Variants in NELL1 observed in about 807,000 individuals in gnomAD.
NELL1 encodes the protein protein kinase C-binding protein NELL1.
In NELL1, 76 loss-of-function variants were observed where a neutral mutation model predicts 107.4. The ratio of observed to expected loss-of-function variants is 0.71; its 90% CI spans 0.59 to 0.86. The LOEUF (loss-of-function observed/expected upper bound fraction) is 0.86, where lower values mean the gene tolerates loss of function less well. Ranked by LOEUF, NELL1 falls within the 40% of genes least tolerant of loss-of-function variation. The pLI is 0.00. For synonymous variants in NELL1, 353 were observed against 341.2 expected (o/e 1.03, Z -0.38); for missense variants, 1,024 against 1,005.5 (o/e 1.02, Z -0.25).
chr11:21,199,470 A>G (rs1857220498), intron 13 of NELL1, among the ~76,000 whole-genome samples: 1 of 152,174 alleles, frequency 6.6e-6, no homozygotes, highest in Non-Finnish European at 1.5e-5. Context: ...GACTCTTGCA[A>G]TCTCAGTAAG....
At chr11:21,494,048 A>G (rs538670798) in intron 15 of NELL1, among the ~76,000 whole-genome samples, 25 of 151,930 alleles carry the variant, frequency 1.6e-4, no homozygotes, top group Non-Finnish European at 3.4e-4. Context: ...TAGCTAAGCA[A>G]TATATTTTCA....
intron 2 of NELL1, among the ~76,000 whole-genome samples, chr11:20,710,143 T>C (rs1388699628): frequency 2.0e-5 from 3 of 152,184 alleles, no homozygotes; most frequent in African/African-American, 7.2e-5. Flanking sequence ...TCAGGGGAAA[T>C]GCTTTCAACT....
chr11:20,776,275 C>A (rs959524608), intron 2 of NELL1, among the ~76,000 whole-genome samples: 1 of 151,928 alleles, frequency 6.6e-6, no homozygotes, highest in African/African-American at 2.4e-5. Flanking sequence ...CCATCTTCTA[C>A]CAAAAATACA....
intron 12 of NELL1, among the ~76,000 whole-genome samples, chr11:21,095,713 T>C (rs1449122897): frequency 6.6e-6 from 1 of 152,048 alleles, no homozygotes; most frequent in East Asian, 1.9e-4. Flanking sequence ...TGGGTTCAAG[T>C]GATTCTCCTG....
At chr11:21,162,287 T>C (rs1856390218) in intron 13 of NELL1, among the ~76,000 whole-genome samples, 1 of 152,094 alleles carries the variant, frequency 6.6e-6, no homozygotes, top group Non-Finnish European at 1.5e-5. Flanking sequence ...AACTCAGCAT[T>C]TTTCTTTGTT....
At chr11:21,254,108 G>A (rs947415841) in intron 14 of NELL1, among the ~76,000 whole-genome samples, 1 of 152,004 alleles carries the variant, frequency 6.6e-6, no homozygotes, top group African/African-American at 2.4e-5. Flanking sequence ...GCATGTATAT[G>A]GAGCTTACTC....
intron 13 of NELL1, among the ~76,000 whole-genome samples, chr11:21,185,377 C>T (rs368740087): frequency 2.7e-5 from 4 of 149,792 alleles, no homozygotes; most frequent in East Asian, 3.9e-4. Flanking sequence ...TCACTGCAAC[C>T]TCTGCCTCCC....
intron 3 of NELL1, among the ~76,000 whole-genome samples, chr11:20,812,790 C>CCA: frequency 6.6e-6 from 1 of 151,524 alleles, no homozygotes; most frequent in Admixed American, 6.6e-5. Flanking sequence ...GGGCGGATCA[C>CCA]GAGGTCAGGA....
chr11:21,132,785 G>A (rs1163021531), intron 13 of NELL1, among the ~76,000 whole-genome samples: 1 of 152,104 alleles, frequency 6.6e-6, no homozygotes, highest in Non-Finnish European at 1.5e-5. Context: ...GGGTGGGGGA[G>A]GGGAGTGTTA....
chr11:20,803,452 C>A (rs2134004740), intron 3 of NELL1, among the ~76,000 whole-genome samples: 1 of 152,196 alleles, frequency 6.6e-6, no homozygotes, highest in East Asian at 1.9e-4. Context: ...CTCAATTAAT[C>A]TGGCTAAAGA....
chr11:21,382,436 T>G (rs995461648), intron 15 of NELL1, among the ~76,000 whole-genome samples: 5 of 151,930 alleles, frequency 3.3e-5, no homozygotes, highest in Non-Finnish European at 7.4e-5. Context: ...CAGTAAACAT[T>G]TGATAAATGA....
intron 11 of NELL1, among the ~76,000 whole-genome samples, chr11:20,948,043 A>C (rs1185465745): frequency 6.6e-6 from 1 of 151,706 alleles, no homozygotes; most frequent in East Asian, 1.9e-4. Flanking sequence ...ATTTTTATTT[A>C]TTATTATTAT....
At chr11:21,264,102 G>GTGTGTGTGTGTT (rs1441799317) in intron 14 of NELL1, among the ~76,000 whole-genome samples, 1 of 151,598 alleles carries the variant, frequency 6.6e-6, no homozygotes. Context: ...GTGTGTTTGT[G>GTGTGTGTGTGTT]TGTCTGTCTG....
intron 13 of NELL1, among the ~76,000 whole-genome samples, chr11:21,193,711 C>A (rs926083389): frequency 2.6e-5 from 4 of 151,772 alleles, no homozygotes; most frequent in Non-Finnish European, 5.9e-5. Flanking sequence ...ACAGATAAGT[C>A]ATTTCATTTG....
intron 12 of NELL1, among the ~76,000 whole-genome samples, chr11:21,106,683 C>A (rs1315445740): frequency 6.6e-6 from 1 of 152,082 alleles, no homozygotes; most frequent in Non-Finnish European, 1.5e-5. Context: ...GACTTGATTT[C>A]TTTGTGGAAA....
intron 12 of NELL1, among the ~76,000 whole-genome samples, chr11:21,013,170 G>C (rs1852485322): frequency 1.3e-5 from 2 of 152,184 alleles, no homozygotes; most frequent in South Asian, 4.1e-4. Context: ...AGTTAGGTCA[G>C]ATCTCTTTTA....
intron 14 of NELL1, among the ~76,000 whole-genome samples, chr11:21,349,331 G>A (rs1183232033): frequency 6.6e-6 from 1 of 152,082 alleles, no homozygotes; most frequent in African/African-American, 2.4e-5. Flanking sequence ...TATAGTTGCA[G>A]GGAAATGTAA....
At chr11:21,159,623 G>A (rs192373282) in intron 13 of NELL1, among the ~76,000 whole-genome samples, 1 of 152,328 alleles carries the variant, frequency 6.6e-6, no homozygotes, top group Admixed American at 6.5e-5. Context: ...GAAGGCATCT[G>A]ATTTTGTGTG....
chr11:20,769,106 A>C (rs550261584), intron 2 of NELL1: 1 of 152,682 alleles, frequency 6.5e-6, no homozygotes, highest in East Asian at 1.9e-4. Context: ...GAGAGGGGAC[A>C]GGAGGGGAGG....
Sources: gnomAD v4.1 joint callset for allele counts (sites outside exome capture counted in the v4.1 genomes callset) on GRCh38, gnomAD v4.1.1 for gene constraint, MANE v1.5 for transcripts, NCBI Gene and HGNC (gene_info 2026-07-23, HGNC 2026-07-21) for gene names.